Variants in DYM observed in about 807,000 individuals in gnomAD.
DYM encodes dymeclin, also known as dyggve-Melchior-Clausen syndrome protein.
A neutral mutation model predicts 93.1 loss-of-function variants in DYM; 78 were observed. That is an observed-to-expected ratio of 0.84 (90% confidence interval 0.70 to 1.01). DYM has a LOEUF of 1.01. Among genes scored for constraint, DYM ranks in the 50% least tolerant of loss-of-function variants. The pLI, the probability that DYM is intolerant of heterozygous loss-of-function variation, is 0.00. For missense variants in DYM, 789 were observed against 845.0 expected, an observed-to-expected ratio of 0.93 and a Z score of 0.82; for synonymous variants, 321 against 319.7, an observed-to-expected ratio of 1.00 and a Z score of -0.04.
chr18:49,344,308 T>G (rs1472565336), intron 6 of DYM, among the ~76,000 whole-genome samples: 2 of 152,106 alleles, frequency 1.3e-5, no homozygotes, highest in Non-Finnish European at 2.9e-5. Flanking sequence ...CTCCTAAGTC[T>G]CTGTGATGGC....
chr18:49,153,125 G>A (rs2086006226), intron 15 of DYM, among the ~76,000 whole-genome samples: 1 of 152,156 alleles, frequency 6.6e-6, no homozygotes, highest in South Asian at 2.1e-4. Context: ...CACACAAAAT[G>A]GTAACTATGT....
chr18:49,289,877 AATG>A (rs1239387359), intron 8 of DYM, among the ~76,000 whole-genome samples: 2 of 149,304 alleles, frequency 1.3e-5, no homozygotes, highest in Non-Finnish European at 3.0e-5. Context: ...TTAAAAATGT[AATG>A]ATGATGAGAT....
At chr18:49,276,927 C>T (rs763874633) in intron 10 of DYM, among the ~76,000 whole-genome samples, 10 of 151,944 alleles carry the variant, frequency 6.6e-5, no homozygotes, top group Non-Finnish European at 1.2e-4. Flanking sequence ...CCAAAGGAAT[C>T]GCAATGAGGA....
chr18:49,109,156 A>G (rs1435183956), intron 16 of DYM, among the ~76,000 whole-genome samples: 3 of 152,090 alleles, frequency 2.0e-5, no homozygotes, highest in Non-Finnish European at 4.4e-5. Flanking sequence ...CTTTTTATCC[A>G]ATCTGAAAAT....
chr18:49,328,652 C>T (rs2063088848), intron 8 of DYM, among the ~76,000 whole-genome samples: 2 of 152,206 alleles, frequency 1.3e-5, no homozygotes, highest in South Asian at 4.1e-4. Flanking sequence ...TCTCAAAAGA[C>T]ATTTATGCAG....
chr18:49,243,666 CAAA>C (rs59748721), intron 13 of DYM, among the ~76,000 whole-genome samples: 2 of 114,212 alleles, frequency 1.8e-5, no homozygotes. Context: ...GGCTCTGTCT[CAAA>C]AAAAAAAAAA....
intron 5 of DYM, 145 bp from the exon 6 acceptor site, chr18:49,363,378 T>A: frequency 1.4e-6 from 1 of 701,336 alleles, no homozygotes; most frequent in East Asian, 2.8e-5. Context: ...CTGAATAAAA[T>A]CCAAATCATG....
At chr18:49,082,454 C>T (rs767861292) in intron 17 of DYM, among the ~76,000 whole-genome samples, 25 of 152,196 alleles carry the variant, frequency 1.6e-4, no homozygotes, top group Non-Finnish European at 2.8e-4. Flanking sequence ...CTTTCAACCA[C>T]ACTGCATTAT....
At chr18:49,328,422 G>C (rs1008886289) in intron 8 of DYM, among the ~76,000 whole-genome samples, 6 of 152,114 alleles carry the variant, frequency 3.9e-5, no homozygotes, top group African/African-American at 1.2e-4. Flanking sequence ...CCAAGCAACT[G>C]TTCTATCCTA....
At chr18:49,140,442 T>A (rs1260701700) in intron 15 of DYM, among the ~76,000 whole-genome samples, 4 of 152,194 alleles carry the variant, frequency 2.6e-5, no homozygotes, top group African/African-American at 9.6e-5. Context: ...ATGGAAATAA[T>A]TCCAGTGTTA....
chr18:49,320,811 A>G (rs1278813052), intron 8 of DYM, among the ~76,000 whole-genome samples: 1 of 152,184 alleles, frequency 6.6e-6, no homozygotes, highest in Non-Finnish European at 1.5e-5. Context: ...AATAACTCTT[A>G]CCGTTAGTCT....
chr18:49,442,423 C>T (rs972876479), intron 1 of DYM, among the ~76,000 whole-genome samples: 6 of 151,832 alleles, frequency 4.0e-5, no homozygotes, highest in Non-Finnish European at 7.4e-5. Context: ...TGGTGGTGCA[C>T]GCCTATAGTT....
In DYM at chr18:49,043,426, G is replaced by A. The variant is rs1744020091; in HGVS notation, c.*629C>T. ...ATTACAAATGTGAGCCACTGTATCT[G>A]GCCCATATTCTTTTTTAAGAAAAGA... On this transcript the variant is annotated 3_prime_UTR_variant, in exon 18 of 18. Coordinates refer to ENST00000675505, the MANE Select transcript of DYM (RefSeq NM_001353214.3). The A allele has an allele frequency of 6.6e-6, 1 of 152,490 alleles. No individual in the cohort carries two copies. The highest frequency in any genetic ancestry group is 2.4e-5 in the African/African-American group (1 of 41,420). 9.4% of individuals were successfully genotyped at this position (152,490 alleles called of 1,614,324 possible). A position where few individuals can be genotyped will look rare whatever the true frequency, so the allele number is the denominator to read the frequency against.
chr18:49,188,900 T>C (rs753173884), intron 14 of DYM, among the ~76,000 whole-genome samples: 1 of 152,188 alleles, frequency 6.6e-6, no homozygotes, highest in Non-Finnish European at 1.5e-5. Flanking sequence ...ACAGCACTAT[T>C]TATAATAGCA....
chr18:49,230,003 T>A (rs1182512399), intron 13 of DYM, among the ~76,000 whole-genome samples: 1 of 152,112 alleles, frequency 6.6e-6, no homozygotes, highest in Non-Finnish European at 1.5e-5. Context: ...ATGATAAGAT[T>A]TATGACAAAG....
intron 13 of DYM, among the ~76,000 whole-genome samples, chr18:49,242,555 C>T (rs763484014): frequency 2.0e-5 from 3 of 152,118 alleles, no homozygotes; most frequent in Non-Finnish European, 4.4e-5. Context: ...CACACAGCCT[C>T]TAGATGGGTT....
intron 15 of DYM, among the ~76,000 whole-genome samples, chr18:49,146,474 A>G (rs935467705): frequency 3.9e-5 from 6 of 152,172 alleles, no homozygotes; most frequent in Admixed American, 6.5e-5. Context: ...ATCTCCTTAA[A>G]CTGATAGGCA....
At chr18:49,260,196 C>G (rs2094467704) in intron 11 of DYM, among the ~76,000 whole-genome samples, 1 of 152,260 alleles carries the variant, frequency 6.6e-6, no homozygotes, top group African/African-American at 2.4e-5. Context: ...CAAGACCAGC[C>G]TGGCCCAATG....
chr18:49,101,289 G>C, intron 16 of DYM, among the ~76,000 whole-genome samples: 1 of 152,162 alleles, frequency 6.6e-6, no homozygotes, highest in Non-Finnish European at 1.5e-5. Context: ...TTCAAAGGAA[G>C]GTACTTTTCC....
Sources: allele counts gnomAD v4.1 joint callset (sites outside exome capture counted in the v4.1 genomes callset), GRCh38; gene constraint gnomAD v4.1.1; transcripts MANE v1.5; gene names NCBI Gene and HGNC (gene_info 2026-07-23, HGNC 2026-07-21).